Variants in FNIP1 observed in about 807,000 individuals in gnomAD.
The protein encoded by FNIP1 is folliculin interacting protein 1.
A neutral mutation model predicts 124.5 loss-of-function variants in FNIP1; 40 were observed. The ratio of observed to expected loss-of-function variants is 0.32; its 90% CI spans 0.25 to 0.42. The LOEUF is 0.42. FNIP1 is among the 10% of genes least tolerant of loss of function. FNIP1 has a pLI of 1.00. For missense variants in FNIP1, 1,176 were observed against 1,403.7 expected, an observed-to-expected ratio of 0.84 and a Z score of 2.59; for synonymous variants, 472 against 470.6, an observed-to-expected ratio of 1.00 and a Z score of -0.04.
chr5:131,722,742 A>G (rs934129655), intron 3 of FNIP1, among the ~76,000 whole-genome samples: 11 of 152,108 alleles, frequency 7.2e-5, no homozygotes, highest in Non-Finnish European at 5.9e-5. Flanking sequence ...CTGGAGTGCA[A>G]TGGCACAATC....
intron 5 of FNIP1, among the ~76,000 whole-genome samples, chr5:131,717,946 C>T (rs1458550165): frequency 2.0e-5 from 3 of 151,950 alleles, no homozygotes; most frequent in Non-Finnish European, 2.9e-5. Flanking sequence ...CTTTGGGAGG[C>T]CGAGGCAGGC....
rs189590771 is a variant in FNIP1, at chr5:131,764,181, A to C, written c.93-19491T>G. Reference sequence around the variant, plus strand: ...GTTTCCTGAGGCCTCTCCACAAGCCAAGCAGATGCCAGCATTATGCTTCTT... The same window carrying C: ...GTTTCCTGAGGCCTCTCCACAAGCCCAGCAGATGCCAGCATTATGCTTCTT... On this transcript the variant is annotated intron_variant, in intron 1 of 17. Coordinates refer to ENST00000510461, the MANE Select transcript of FNIP1 (RefSeq NM_133372.3). Among the ~76,000 whole-genome samples the C allele has an allele frequency of 1.2e-3, 181 of 152,202 alleles. 1 individual carries two copies. The highest frequency in any genetic ancestry group is 4.2e-3 in the African/African-American group (174 of 41,534).
chr5:131,693,333 CATATATATATATATATAT>C (rs70974007), intron 11 of FNIP1, among the ~76,000 whole-genome samples: 4 of 50,154 alleles, frequency 8.0e-5, no homozygotes, highest in Admixed American at 5.8e-4. Flanking sequence ...TATATATATA[CATATATATATATATATAT>C]ATATATATAT....
chr5:131,796,827 T>C lies in FNIP1; in HGVS notation c.92+3A>G. On this transcript the variant is annotated splice_donor_region_variant and intron_variant, in intron 1 of 17. Transcript: ENST00000510461. The stretch of plus-strand genomic sequence containing the variant: ...CCGCGACCCCCGCCCCACAGCGCCC[T>C]ACCTGAACCCGCAATCTGGGTCCCG... The C allele has an allele frequency of 6.3e-7, 1 of 1,579,620 alleles. No homozygotes were observed. Among genetic ancestry groups the C allele is most frequent in the Non-Finnish European group, 8.6e-7 (1 of 1,163,518 alleles).
intron 2 of FNIP1, among the ~76,000 whole-genome samples, chr5:131,742,637 C>A (rs576143893): frequency 6.6e-6 from 1 of 152,186 alleles, no homozygotes. Context: ...ACATTTACCA[C>A]AGCAAAATAG....
chr5:131,794,404 G>A (rs995802522), intron 1 of FNIP1, among the ~76,000 whole-genome samples: 2 of 151,888 alleles, frequency 1.3e-5, no homozygotes, highest in Non-Finnish European at 1.5e-5. Flanking sequence ...GGAAAAGTCT[G>A]ACAATTTTTT....
intron 11 of FNIP1, among the ~76,000 whole-genome samples, chr5:131,687,400 C>T (rs2149522932): frequency 6.6e-6 from 1 of 152,286 alleles, no homozygotes; most frequent in East Asian, 1.9e-4. Context: ...GCTACTATAC[C>T]TGGCCCAATT....
chr5:131,660,587 T>C (rs1767397053), intron 15 of FNIP1, among the ~76,000 whole-genome samples: 2 of 152,172 alleles, frequency 1.3e-5, no homozygotes, highest in Admixed American at 6.5e-5. Context: ...CCAAACTGCC[T>C]TTTAAAAATC....
intron 2 of FNIP1, among the ~76,000 whole-genome samples, chr5:131,738,280 T>G (rs1356451250): frequency 6.6e-6 from 1 of 152,238 alleles, no homozygotes; most frequent in Non-Finnish European, 1.5e-5. Flanking sequence ...GCTCTTGTCC[T>G]TCACTCAATT....
chr5:131,762,571 T>C (rs367626548), intron 1 of FNIP1, among the ~76,000 whole-genome samples: 1 of 152,182 alleles, frequency 6.6e-6, no homozygotes, highest in Non-Finnish European at 1.5e-5. Context: ...CCAGTTAAAA[T>C]GGCTTTTATC....
intron 15 of FNIP1, among the ~76,000 whole-genome samples, chr5:131,652,741 T>G (rs1187876177): frequency 1.3e-5 from 2 of 152,128 alleles, no homozygotes; most frequent in Non-Finnish European, 1.5e-5. Flanking sequence ...GTGGGAGGAC[T>G]GCTTAAGGCC....
intron 7 of FNIP1, among the ~76,000 whole-genome samples, chr5:131,709,670 T>G (rs1481922509): frequency 1.3e-5 from 2 of 152,186 alleles, no homozygotes; most frequent in African/African-American, 2.4e-5. Context: ...ACAATGTATG[T>G]TTCAAAATTC....
chr5:131,742,932 G>A (rs1446635873), intron 2 of FNIP1, among the ~76,000 whole-genome samples: 1 of 152,160 alleles, frequency 6.6e-6, no homozygotes. Context: ...ATCAAAATGT[G>A]TCCTGAGTAC....
At chr5:131,724,213 G>A (rs1187390961) in intron 3 of FNIP1, among the ~76,000 whole-genome samples, 1 of 152,106 alleles carries the variant, frequency 6.6e-6, no homozygotes, top group Non-Finnish European at 1.5e-5. Flanking sequence ...ATAATCCTTT[G>A]GGTACATACC....
intron 11 of FNIP1, among the ~76,000 whole-genome samples, chr5:131,681,494 T>C (rs1768078444): frequency 6.6e-6 from 1 of 151,580 alleles, no homozygotes; most frequent in African/African-American, 2.4e-5. Context: ...ACACACATAC[T>C]CACCCATATA....
In FNIP1 at chr5:131,694,666, G is replaced by T. The variant is rs562734332; in HGVS notation, c.1202+4251C>A. On this transcript the variant is annotated intron_variant, in intron 11 of 17. Coordinates refer to ENST00000510461, the MANE Select transcript of FNIP1 (RefSeq NM_133372.3). ...AATTATTCTATATGATACTATAATGGTGTGTATATGACATCATACATTTAA... is the reference window on the plus strand; with the variant it reads ...AATTATTCTATATGATACTATAATGTTGTGTATATGACATCATACATTTAA... 3.3e-5 allele frequency among the ~76,000 whole-genome samples: 5 copies of T among 152,244 alleles called. No homozygotes were observed. The East Asian group carries it at 9.6e-4, about 29-fold the overall frequency.
intron 11 of FNIP1, among the ~76,000 whole-genome samples, chr5:131,698,259 C>A (rs1373475957): frequency 5.3e-5 from 8 of 152,188 alleles, no homozygotes; most frequent in African/African-American, 1.9e-4. Flanking sequence ...GCTATTCTAT[C>A]TCTCTAGTCT....
At chr5:131,687,305 C>T (rs1768314055) in intron 11 of FNIP1, among the ~76,000 whole-genome samples, 1 of 151,802 alleles carries the variant, frequency 6.6e-6, no homozygotes, top group Admixed American at 6.6e-5. Flanking sequence ...AGAGTTTCAC[C>T]ATGTTGCCCA....
intron 15 of FNIP1, among the ~76,000 whole-genome samples, chr5:131,657,019 CTTTTTT>C (rs71000999): frequency 1.1e-5 from 1 of 89,626 alleles, no homozygotes; most frequent in African/African-American, 4.8e-5. Context: ...CCACCCATGC[CTTTTTT>C]TTTTTTTTTT....
Sources: gnomAD v4.1 joint callset for allele counts (sites outside exome capture counted in the v4.1 genomes callset) on GRCh38, gnomAD v4.1.1 for gene constraint, MANE v1.5 for transcripts, NCBI Gene and HGNC (gene_info 2026-07-23, HGNC 2026-07-21) for gene names.